The following ITIH5 variants were observed in gnomAD, a reference collection of about 807,000 sequenced individuals.
ITIH5 encodes the protein inter-alpha-trypsin inhibitor heavy chain H5.
In ITIH5, 65 loss-of-function variants were observed where a neutral mutation model predicts 77.5. The observed-to-expected ratio is 0.84, with a 90% CI of 0.69 to 1.03. The LOEUF (loss-of-function observed/expected upper bound fraction) is 1.03. Ranked by LOEUF, ITIH5 falls within the 50% of genes least tolerant of loss-of-function variation. The probability of loss-of-function intolerance (pLI) is 0.00; values close to 1 mark genes in which losing one functional copy is unlikely to be tolerated. For missense variants in ITIH5, 1,208 were observed against 1,213.1 expected, an observed-to-expected ratio of 1.00 and a Z score of 0.06; for synonymous variants, 525 against 494.3, an observed-to-expected ratio of 1.06 and a Z score of -0.82.
At position 7,569,767 on chromosome 10, in the gene ITIH5, A is replaced by G; in HGVS notation, c.2050T>C (p.Phe684Leu). The G allele has an allele frequency of 6.2e-7, 1 of 1,608,518 alleles. No homozygotes were observed. Among genetic ancestry groups the G allele is most frequent in the Non-Finnish European group, 8.5e-7 (1 of 1,177,882 alleles). The change falls in exon 12 of 14, where the codon TTT becomes CTT. Residue 684 changes from phenylalanine (F) to leucine (L), a missense_variant. Transcript: ENST00000397146. ...CTGCTCAGGGGGAAATCCACAACAA[A>G]GTGGGGATCACCATCCACTGCCAGA... ...SKTSVDGDPHFVVDFPLSRLT... is the reference protein window; with the variant it reads ...SKTSVDGDPHLVVDFPLSRLT...
intron 13 of ITIH5, among the ~76,000 whole-genome samples, chr10:7,564,513 A>G (rs1309643657): frequency 2.0e-5 from 3 of 152,080 alleles, no homozygotes; most frequent in Admixed American, 2.0e-4. Flanking sequence ...TCGTGTTGCA[A>G]TTGCCTGCAG....
intron 2 of ITIH5, among the ~76,000 whole-genome samples, chr10:7,654,310 CATGT>C (rs753152210): frequency 1.3e-5 from 2 of 152,186 alleles, no homozygotes; most frequent in Non-Finnish European, 2.9e-5. Context: ...TTACAATTTA[CATGT>C]ATGTATGTAT....
chr10:7,658,786 T>C (rs1834229429), intron 1 of ITIH5, among the ~76,000 whole-genome samples: 1 of 152,036 alleles, frequency 6.6e-6, no homozygotes, highest in Admixed American at 6.5e-5. Flanking sequence ...AGACCAAAAT[T>C]TTATCATGCA....
At chr10:7,641,854 T>C (rs543801517) in intron 3 of ITIH5, 73 bp downstream of exon 3, 10 of 1,251,826 alleles carry the variant, frequency 8.0e-6, no homozygotes, top group Non-Finnish European at 1.2e-5. Context: ...CACAAGGCTG[T>C]GGACCTCACA....
chr10:7,609,093 A>T (rs1833189900), intron 7 of ITIH5, among the ~76,000 whole-genome samples: 1 of 152,228 alleles, frequency 6.6e-6, no homozygotes, highest in African/African-American at 2.4e-5. Flanking sequence ...TTTCCTACTT[A>T]TAACTTTGTG....
Position 7,644,342 on chromosome 10 carries a change from T to C in ITIH5, c.136-2252A>G, listed in dbSNP as rs184406961. 3.0e-3 allele frequency among the ~76,000 whole-genome samples: 443 copies of C among 145,350 alleles called. 17 individuals are homozygous for C. Among genetic ancestry groups the C allele is most frequent in the African/African-American group, 0.01 (397 of 38,442 alleles). On this transcript the variant is annotated intron_variant, in intron 2 of 13. Transcript: ENST00000397146. Reference sequence around the variant, plus strand: ...TCATACATATCACATATATATCACATATATCACATATATATCATATATATC... The same window carrying C: ...TCATACATATCACATATATATCACACATATCACATATATATCATATATATC...
chr10:7,562,788 TAC>T lies in ITIH5; in HGVS notation c.*293_*294del. On this transcript the variant is annotated 3_prime_UTR_variant, in exon 14 of 14. Transcript: ENST00000397146. ...AACAGAAAAGCAGGTTGGGACAAGA[TAC>T]AGACTTTGTTGCATTTAGCTATGAC... The T allele has an allele frequency of 2.4e-6, 1 of 414,908 alleles. No individual in the cohort carries two copies. The highest frequency in any genetic ancestry group is 4.4e-6 in the Non-Finnish European group (1 of 224,966). 25.7% of individuals were successfully genotyped at this position (414,908 alleles called of 1,614,324 possible).
intron 1 of ITIH5, among the ~76,000 whole-genome samples, chr10:7,657,041 CTT>C (rs56737624): frequency 3.0e-5 from 3 of 99,860 alleles, no homozygotes; most frequent in African/African-American, 4.3e-5. Flanking sequence ...CGCGTTCGGC[CTT>C]TTTTTTTTTT....
intron 12 of ITIH5, among the ~76,000 whole-genome samples, chr10:7,566,829 AGAGGAAGAGGAAGAG>A (rs1564232619): frequency 5.0e-4 from 42 of 83,304 alleles, no homozygotes; most frequent in South Asian, 1.0e-3. Flanking sequence ...AGGAAGAGGA[AGAGGAAGAGGAAGAG>A]GAAGAAGAAG....
chr10:7,588,730 C>T (rs747827018), intron 7 of ITIH5, among the ~76,000 whole-genome samples: 21 of 152,168 alleles, frequency 1.4e-4, no homozygotes, highest in Non-Finnish European at 2.6e-4. Context: ...ACGACGCTGA[C>T]GATATTAACA....
At chr10:7,623,223 A>AC (rs1225320443) in intron 5 of ITIH5, among the ~76,000 whole-genome samples, 1 of 152,196 alleles carries the variant, frequency 6.6e-6, no homozygotes, top group Non-Finnish European at 1.5e-5. Context: ...CTGTCGGAGA[A>AC]AAGCAGCCAA....
rs1429236530 is a variant in ITIH5, at chr10:7,635,806, C to T, written c.652+1422G>A. 1.1e-4 allele frequency among the ~76,000 whole-genome samples: 17 copies of T among 152,102 alleles called. 1 individual carries two copies. The highest frequency in any genetic ancestry group is 9.8e-4 in the Admixed American group (15 of 15,272). On this transcript the variant is annotated intron_variant, in intron 5 of 13. Transcript: ENST00000397146. ...GTTAAATACCAACATTCTCTGATTC[C>T]GCTTGTCCAGGCAACGCTCTCTCTC...
chr10:7,644,530 G>GATATATCACATATATATGATATATATCAC (rs1554757634), intron 2 of ITIH5, among the ~76,000 whole-genome samples: 8 of 59,746 alleles, frequency 1.3e-4, no homozygotes, highest in African/African-American at 4.5e-4. Flanking sequence ...ACATATATAT[G>GATATATCACATATATATGATATATATCAC]ATATATCACA....
intron 11 of ITIH5, among the ~76,000 whole-genome samples, chr10:7,571,222 C>G (rs1051475113): frequency 1.3e-5 from 2 of 151,966 alleles, no homozygotes; most frequent in African/African-American, 4.8e-5. Flanking sequence ...CAGAGGAGAT[C>G]AAAGTTCTCA....
At chr10:7,628,894 T>A (rs79591256) in intron 5 of ITIH5, among the ~76,000 whole-genome samples, 3 of 135,370 alleles carry the variant, frequency 2.2e-5, no homozygotes, top group Non-Finnish European at 3.3e-5. Flanking sequence ...TGTGTCCGTG[T>A]TGTGGCATGC....
At chr10:7,575,382 A>G (rs1832389391) in intron 10 of ITIH5, among the ~76,000 whole-genome samples, 1 of 152,096 alleles carries the variant, frequency 6.6e-6, no homozygotes, top group Non-Finnish European at 1.5e-5. Context: ...TCCTTCTAAG[A>G]CTTTAGAGTG....
chr10:7,646,575 G>A (rs757633140), intron 2 of ITIH5, among the ~76,000 whole-genome samples: 1 of 152,184 alleles, frequency 6.6e-6, no homozygotes, highest in Non-Finnish European at 1.5e-5. Flanking sequence ...TTTCCTCTCA[G>A]GGTTTCTGTG....
chr10:7,587,430 T>C (rs1832701849), intron 7 of ITIH5, among the ~76,000 whole-genome samples: 1 of 152,184 alleles, frequency 6.6e-6, no homozygotes, highest in African/African-American at 2.4e-5. Flanking sequence ...TGAAAGGACA[T>C]CCGGCACCTT....
At chr10:7,629,349 G>A (rs988005397) in intron 5 of ITIH5, among the ~76,000 whole-genome samples, 2 of 114,866 alleles carry the variant, frequency 1.7e-5, no homozygotes, top group Admixed American at 9.7e-5. Flanking sequence ...CCATGTTGTA[G>A]CGTGTGTCCC....
Sources: allele counts gnomAD v4.1 joint callset (sites outside exome capture counted in the v4.1 genomes callset), GRCh38; gene constraint gnomAD v4.1.1; transcripts MANE v1.5; gene names NCBI Gene and HGNC (gene_info 2026-07-23, HGNC 2026-07-21).